Variants in VPS13B observed in about 807,000 individuals in gnomAD.
VPS13B encodes the protein intermembrane lipid transfer protein VPS13B.
In VPS13B, 285 loss-of-function variants were observed where a neutral mutation model predicts 426.4. That is an observed-to-expected ratio of 0.67 (90% confidence interval 0.61 to 0.74). The LOEUF is 0.74. Among genes scored for constraint, VPS13B ranks in the 30% least tolerant of loss-of-function variants. The probability of loss-of-function intolerance (pLI) is 0.00; values close to 1 mark genes in which losing one functional copy is unlikely to be tolerated. For missense variants in VPS13B, 4,537 were observed against 4,782.6 expected (o/e 0.95, Z 1.51); for synonymous variants, 1,676 against 1,676.4 (o/e 1.00, Z 0.01).
At chr8:99,730,778 G>T (rs991424457) in intron 39 of VPS13B, among the ~76,000 whole-genome samples, 1 of 151,632 alleles carries the variant, frequency 6.6e-6, no homozygotes, top group African/African-American at 2.4e-5. Flanking sequence ...CCTCCTGAAG[G>T]GTACCTGTAG....
intron 17 of VPS13B, among the ~76,000 whole-genome samples, chr8:99,259,945 A>G (rs1588182742): frequency 6.6e-6 from 1 of 152,096 alleles, no homozygotes; most frequent in East Asian, 1.9e-4. Flanking sequence ...CAGATAATAT[A>G]TCAGAAACAG....
At chr8:99,784,564 T>C in intron 43 of VPS13B, 88 bp downstream of exon 43, 2 of 1,558,766 alleles carry the variant, frequency 1.3e-6, no homozygotes, top group South Asian at 2.2e-5. Flanking sequence ...GTTATTTCCC[T>C]TTTTAAGTCT....
intron 34 of VPS13B, 114 bp from the exon 35 acceptor site, chr8:99,661,240 C>T: frequency 2.3e-6 from 3 of 1,314,016 alleles, no homozygotes; most frequent in East Asian, 2.4e-5. Context: ...AACAATGAAG[C>T]TTGCAAACAG....
intron 17 of VPS13B, among the ~76,000 whole-genome samples, chr8:99,210,747 A>T (rs1815041445): frequency 6.6e-6 from 1 of 152,040 alleles, no homozygotes; most frequent in African/African-American, 2.4e-5. Flanking sequence ...CTGGGACCAC[A>T]AGTGCCCACC....
At chr8:99,432,189 C>G (rs943087217) in intron 22 of VPS13B, among the ~76,000 whole-genome samples, 7 of 151,970 alleles carry the variant, frequency 4.6e-5, no homozygotes, top group African/African-American at 1.7e-4. Context: ...TTTAACCTGA[C>G]TAAAATATAC....
chr8:99,387,224 T>C (rs961217351), intron 20 of VPS13B, among the ~76,000 whole-genome samples: 4 of 152,126 alleles, frequency 2.6e-5, no homozygotes, highest in Non-Finnish European at 5.9e-5. Flanking sequence ...TTTTTCCTTT[T>C]TCTTTTTTTT....
At chr8:99,083,458 T>G in intron 3 of VPS13B, among the ~76,000 whole-genome samples, 1 of 151,804 alleles carries the variant, frequency 6.6e-6, no homozygotes, top group East Asian at 1.9e-4. Context: ...TTCCTTCTCC[T>G]GCCTGATTGC....
intron 33 of VPS13B, among the ~76,000 whole-genome samples, chr8:99,622,523 A>G (rs1273822041): frequency 2.0e-5 from 3 of 152,242 alleles, no homozygotes; most frequent in African/African-American, 2.4e-5. Context: ...AAGGTATTTT[A>G]TATGAGATAT....
At chr8:99,412,219 A>G (rs1399051754) in intron 21 of VPS13B, among the ~76,000 whole-genome samples, 1 of 152,008 alleles carries the variant, frequency 6.6e-6, no homozygotes, top group Non-Finnish European at 1.5e-5. Flanking sequence ...ATGTTTTTCC[A>G]TTTGTATGTG....
At chr8:99,077,220 T>G (rs1845178370) in intron 3 of VPS13B, among the ~76,000 whole-genome samples, 1 of 152,122 alleles carries the variant, frequency 6.6e-6, no homozygotes, top group African/African-American at 2.4e-5. Context: ...TTGCCCAGGT[T>G]GGAGTGCAAT....
At chr8:99,303,710 G>A (rs887964901) in intron 19 of VPS13B, among the ~76,000 whole-genome samples, 5 of 117,258 alleles carry the variant, frequency 4.3e-5, no homozygotes. Context: ...GCGTGGGTGA[G>A]ACAGAGTGAG....
intron 29 of VPS13B, 83 bp downstream of exon 29, chr8:99,511,595 T>TA: frequency 1.4e-6 from 2 of 1,397,928 alleles, no homozygotes; most frequent in Non-Finnish European, 9.8e-7. Context: ...TTGTTTCTTT[T>TA]AAAAAATATG....
chr8:99,356,167 G>A lies in VPS13B; in HGVS notation c.2825-28041G>A, dbSNP rs576858437. Among the ~76,000 whole-genome samples, 5 of 152,182 alleles carry A rather than the reference G, an allele frequency of 3.3e-5. No homozygotes were observed. In the East Asian group the frequency reaches 7.7e-4, roughly 23 times the overall value. On this transcript the variant is annotated intron_variant, in intron 19 of 61. Coordinates refer to ENST00000357162, the MANE Select transcript of VPS13B (RefSeq NM_152564.5). ...GACTGGAAAACTGATTTAAGTCTCA[G>A]CACTTTTACTTGTAATTTAGACTGT...
intron 24 of VPS13B, among the ~76,000 whole-genome samples, chr8:99,472,705 A>T (rs1819478068): frequency 6.6e-6 from 1 of 152,042 alleles, no homozygotes; most frequent in African/African-American, 2.4e-5. Flanking sequence ...TGGAACAGTT[A>T]ACAAAAAAGT....
intron 17 of VPS13B, among the ~76,000 whole-genome samples, chr8:99,273,547 G>T (rs942511338): frequency 6.6e-6 from 1 of 152,092 alleles, no homozygotes; most frequent in African/African-American, 2.4e-5. Context: ...CACTTTGGAA[G>T]GCTGAGTTGG....
intron 19 of VPS13B, 90 bp from the exon 20 acceptor site, chr8:99,384,118 G>T: frequency 9.5e-7 from 1 of 1,053,818 alleles, no homozygotes; most frequent in Non-Finnish European, 1.5e-6. Context: ...TGTCTGTTAT[G>T]TCATAGCTAT....
In VPS13B at chr8:99,462,095, CCTTCCTTT is replaced by C. The variant is rs199903558; in HGVS notation, c.3446-5311_3446-5304del. Among the ~76,000 whole-genome samples the C allele has an allele frequency of 6.3e-3, 929 of 147,424 alleles. 8 individuals are homozygous for C. The highest frequency in any genetic ancestry group is 0.018 in the African/African-American group (723 of 40,416). On this transcript the variant is annotated intron_variant, in intron 23 of 61. Transcript: ENST00000357162. ...ATTCATTCCCCTCCCTCCCTTCCTTCCTTCCTTTCTTCCTTCCTTCCTTCCAACTTCCT... is the reference window on the plus strand; with the variant it reads ...ATTCATTCCCCTCCCTCCCTTCCTTCCTTCCTTCCTTCCTTCCAACTTCCT...
intron 19 of VPS13B, among the ~76,000 whole-genome samples, chr8:99,289,124 G>A (rs1819594579): frequency 1.3e-5 from 2 of 151,924 alleles, no homozygotes; most frequent in South Asian, 4.1e-4. Flanking sequence ...GGAAATCAGG[G>A]TCAACTCATG....
At position 99,233,463 on chromosome 8, in the gene VPS13B, C is replaced by A; in HGVS notation, c.2515+40406C>A. 3.7e-6 allele frequency: 5 copies of A among 1,352,194 alleles called. No homozygotes were observed. In the South Asian group the frequency reaches 5.8e-5, roughly 16 times the overall value. The allele number at this position is 1,352,194 out of a possible 1,614,324, so 83.8% of individuals were successfully genotyped here. A position where few individuals can be genotyped will look rare whatever the true frequency, so the allele number is the denominator to read the frequency against. The stretch of plus-strand genomic sequence containing the variant: ...TCTTCCCGATGATGGTACCCACAGC[C>A]TGGGTTGGGATGAAGAGATTCACAA... On this transcript the variant is annotated intron_variant, in intron 17 of 61. Transcript: ENST00000357162.
Sources: gnomAD v4.1 joint callset for allele counts (sites outside exome capture counted in the v4.1 genomes callset) on GRCh38, gnomAD v4.1.1 for gene constraint, MANE v1.5 for transcripts, NCBI Gene and HGNC (gene_info 2026-07-23, HGNC 2026-07-21) for gene names.